EDA: variants seen among roughly 807,000 people sequenced by gnomAD.
EDA encodes the protein ectodysplasin A.
Under a neutral mutation model 23.6 loss-of-function variants are expected in EDA, and 2 were observed. The observed-to-expected ratio is 0.08, with a 90% CI of 0.03 to 0.27. The LOEUF is 0.27. EDA is among the 10% of genes least tolerant of loss of function. EDA has a pLI of 1.00. For synonymous variants in EDA, 131 were observed against 132.0 expected, an observed-to-expected ratio of 0.99 and a Z score of 0.05; for missense variants, 229 against 324.2, an observed-to-expected ratio of 0.71 and a Z score of 2.26.
chrX:69,927,074 A>G lies in EDA; in HGVS notation c.397-29953A>G, dbSNP rs1348103008. 1.2e-4 allele frequency among the ~76,000 whole-genome samples: 13 copies of G among 111,295 alleles called. 1 individual carries two copies. Among genetic ancestry groups the G allele is most frequent in the African/African-American group, 4.2e-4 (13 of 30,610 alleles). ...TGCACATGAGATGGGTCTCCCGAATACAGCACACCAATGGGTCTTGACTCT... is the reference window on the plus strand; with the variant it reads ...TGCACATGAGATGGGTCTCCCGAATGCAGCACACCAATGGGTCTTGACTCT... On this transcript the variant is annotated intron_variant, in intron 1 of 7. Transcript: ENST00000374552.
At chrX:69,891,768 G>A (rs1272564891) in intron 1 of EDA, among the ~76,000 whole-genome samples, 2 of 110,901 alleles carry the variant, frequency 1.8e-5, no homozygotes, top group African/African-American at 3.3e-5. Flanking sequence ...TCAGAGGGTG[G>A]GGAGTGGGAG....
chrX:69,617,022 A>C (rs1931994147), intron 1 of EDA: 4 of 415,926 alleles, frequency 9.6e-6, no homozygotes, highest in Non-Finnish European at 8.6e-6. Flanking sequence ...CGGCCGACTA[A>C]CGGCTTGGCC....
chrX:70,025,624 T>A (rs2020097217), intron 3 of EDA, among the ~76,000 whole-genome samples: 1 of 112,000 alleles, frequency 8.9e-6, no homozygotes, highest in Non-Finnish European at 1.9e-5. Context: ...ATCTCCTGAG[T>A]ACAGATTTTG....
intron 2 of EDA, among the ~76,000 whole-genome samples, chrX:69,961,838 G>T (rs1435295104): frequency 8.9e-6 from 1 of 112,216 alleles, no homozygotes; most frequent in East Asian, 2.8e-4. Flanking sequence ...TACCTTCACT[G>T]TGGGTGTTGA....
At chrX:69,944,983 A>G (rs1393536557) in intron 1 of EDA, among the ~76,000 whole-genome samples, 1 of 111,738 alleles carries the variant, frequency 8.9e-6, no homozygotes, top group Non-Finnish European at 1.9e-5. Context: ...CAAAGTCACA[A>G]TCACTGTGCT....
At position 69,815,971 on chromosome X, in the gene EDA, G is replaced by A. The variant is rs901724541; in HGVS notation, c.397-141056G>A. 9.0e-5 allele frequency among the ~76,000 whole-genome samples: 10 copies of A among 111,542 alleles called. No individual in the cohort carries two copies. The Admixed American group carries it at 9.5e-4, about 11-fold the overall frequency. On this transcript the variant is annotated intron_variant, in intron 1 of 7. Transcript: ENST00000374552. ...ACAGCAAGAGGTCAGTAGCCCCCTG[G>A]GATGGAGCTACCAGAGGAAGGGGGT... is the stretch of plus-strand genomic sequence containing the variant.
intron 1 of EDA, among the ~76,000 whole-genome samples, chrX:69,737,811 G>A (rs1352631069): frequency 9.3e-6 from 1 of 107,400 alleles, no homozygotes; most frequent in Non-Finnish European, 1.9e-5. Flanking sequence ...AAAGAGTTCA[G>A]CTTTGAAAAA....
At chrX:69,899,552 G>A (rs775829995) in intron 1 of EDA, among the ~76,000 whole-genome samples, 8 of 110,265 alleles carry the variant, frequency 7.3e-5, no homozygotes, top group African/African-American at 2.0e-4. Flanking sequence ...GTTTGTGTGC[G>A]TGTGTCACTA....
intron 1 of EDA, among the ~76,000 whole-genome samples, chrX:69,751,504 G>A (rs1451775459): frequency 2.7e-5 from 3 of 111,893 alleles, no homozygotes; most frequent in South Asian, 3.6e-4. Flanking sequence ...TCTTGGCAAT[G>A]TGGGCTCCTT....
At chrX:69,799,970 C>T (rs761549569) in intron 1 of EDA, among the ~76,000 whole-genome samples, 3 of 112,113 alleles carry the variant, frequency 2.7e-5, no homozygotes, top group Non-Finnish European at 5.6e-5. Flanking sequence ...AGTCAACCTA[C>T]GTGTCCATCA....
intron 1 of EDA, among the ~76,000 whole-genome samples, chrX:69,786,032 G>C (rs868518434): frequency 6.6e-4 from 72 of 109,322 alleles, no homozygotes; most frequent in Non-Finnish European, 1.2e-3. Context: ...GAGAGTGTAT[G>C]TGTCGAGGAA....
intron 2 of EDA, among the ~76,000 whole-genome samples, chrX:69,980,203 C>G (rs1002516487): frequency 1.8e-5 from 2 of 111,355 alleles, no homozygotes; most frequent in African/African-American, 6.5e-5. Flanking sequence ...ATCTGGGTGA[C>G]AAGGAGTCAA....
chrX:69,750,284 G>A (rs1164961682), intron 1 of EDA, among the ~76,000 whole-genome samples: 3 of 103,709 alleles, frequency 2.9e-5, no homozygotes, highest in Admixed American at 1.1e-4. Flanking sequence ...TTGGTTTTCT[G>A]TCCTCGCGAT....
chrX:69,698,278 C>A (rs895264002), intron 1 of EDA, among the ~76,000 whole-genome samples: 1 of 111,549 alleles, frequency 9.0e-6, no homozygotes, highest in Non-Finnish European at 1.9e-5. Flanking sequence ...GCGGGGTGAG[C>A]TTGACCCTGG....
At chrX:69,830,457 T>C (rs1407024062) in intron 1 of EDA, among the ~76,000 whole-genome samples, 1 of 111,828 alleles carries the variant, frequency 8.9e-6, no homozygotes, top group Non-Finnish European at 1.9e-5. Context: ...TTATTATGGC[T>C]TTTAAAGCTC....
At position 69,683,893 on chromosome X, in the gene EDA, A is replaced by G. The variant is rs1327344; in HGVS notation, c.396+67189A>G. On this transcript the variant is annotated intron_variant, in intron 1 of 7. Transcript: ENST00000374552. ...TATGCTTTTTTATCTGCAGTTGCAG[A>G]AAAAATAGATTTGTCTTAAATCTTG... 6.2e-5 allele frequency among the ~76,000 whole-genome samples: 7 copies of G among 112,596 alleles called. No individual in the cohort carries two copies. The South Asian group carries it at 2.2e-3, about 35-fold the overall frequency.
intron 1 of EDA, among the ~76,000 whole-genome samples, chrX:69,900,365 TGTTAC>T (rs1181487354): frequency 9.2e-6 from 1 of 108,234 alleles, no homozygotes; most frequent in Non-Finnish European, 1.9e-5. Flanking sequence ...GGGCTAAGTA[TGTTAC>T]ATGAATTAAT....
intron 1 of EDA, among the ~76,000 whole-genome samples, chrX:69,930,314 G>T (rs865924399): frequency 9.0e-6 from 1 of 111,476 alleles, no homozygotes; most frequent in African/African-American, 3.3e-5. Flanking sequence ...ATAGAAATGG[G>T]TGTTCACTGG....
At chrX:69,896,398 AGTGT>A (rs373119823) in intron 1 of EDA, among the ~76,000 whole-genome samples, 80 of 97,194 alleles carry the variant, frequency 8.2e-4, no homozygotes, top group East Asian at 1.6e-3. Context: ...TATGTGCATC[AGTGT>A]GTGTGTGTGT....
Sources: allele counts gnomAD v4.1 joint callset (sites outside exome capture counted in the v4.1 genomes callset), GRCh38; gene constraint gnomAD v4.1.1; transcripts MANE v1.5; gene names NCBI Gene and HGNC (gene_info 2026-07-23, HGNC 2026-07-21).